Variants in DGKH observed in about 807,000 individuals in gnomAD.
DGKH encodes diacylglycerol kinase eta, also known as DAG kinase eta.
DGKH carries 90 observed loss-of-function variants against 159.3 expected under a neutral mutation model. The ratio of observed to expected loss-of-function variants is 0.57; its 90% CI spans 0.48 to 0.67. DGKH has a LOEUF of 0.67. Among genes scored for constraint, DGKH ranks in the 30% least tolerant of loss-of-function variants. The pLI, the probability that DGKH is intolerant of heterozygous loss-of-function variation, is 0.00. For synonymous variants in DGKH, 536 were observed against 553.8 expected (o/e 0.97, Z 0.45); for missense variants, 1,181 against 1,506.1 (o/e 0.78, Z 3.57).
chr13:42,211,199 A>G (rs1957649814), intron 24 of DGKH, among the ~76,000 whole-genome samples: 1 of 152,186 alleles, frequency 6.6e-6, no homozygotes, highest in Non-Finnish European at 1.5e-5. Flanking sequence ...GACCAGGGAA[A>G]ACTTCAGAGG....
intron 28 of DGKH, among the ~76,000 whole-genome samples, chr13:42,220,242 T>G (rs558824534): frequency 6.6e-6 from 1 of 152,370 alleles, no homozygotes; most frequent in African/African-American, 2.4e-5. Flanking sequence ...CTCATTTAAC[T>G]TGCCGATTAC....
At chr13:42,252,895 C>A (rs1958630645) in intron 30 of DGKH, among the ~76,000 whole-genome samples, 1 of 151,966 alleles carries the variant, frequency 6.6e-6, no homozygotes, top group South Asian at 2.1e-4. Context: ...TTACAGGTGC[C>A]CACCACCATG....
At chr13:42,082,645 A>G (rs139660952) in intron 1 of DGKH, among the ~76,000 whole-genome samples, 1 of 152,182 alleles carries the variant, frequency 6.6e-6, no homozygotes, top group Non-Finnish European at 1.5e-5. Context: ...AGGTTGCTCC[A>G]AGTAGTCAGT....
At chr13:42,049,320 C>G (rs1334881143) in intron 1 of DGKH, among the ~76,000 whole-genome samples, 1 of 152,008 alleles carries the variant, frequency 6.6e-6, no homozygotes, top group Non-Finnish European at 1.5e-5. Flanking sequence ...ACCCGCGGCT[C>G]GGCGGGAGCG....
chr13:42,216,824 C>CCAAAAAAA (rs925567318), intron 26 of DGKH: 2 of 152,168 alleles, frequency 1.3e-5, no homozygotes, highest in Admixed American at 1.3e-4. Flanking sequence ...CTTTTTTTGG[C>CCAAAAAAA]ACTACTGTTT....
intron 24 of DGKH, among the ~76,000 whole-genome samples, chr13:42,211,265 A>C (rs1957651227): frequency 6.6e-6 from 1 of 152,308 alleles, no homozygotes; most frequent in South Asian, 2.1e-4. Flanking sequence ...TATCTACCGA[A>C]TGGGGCTAAT....
chr13:42,103,439 C>T (rs1954688889), intron 1 of DGKH, among the ~76,000 whole-genome samples: 1 of 152,152 alleles, frequency 6.6e-6, no homozygotes, highest in South Asian at 2.1e-4. Flanking sequence ...AAAAAACCCA[C>T]ATCATGTTGG....
chr13:42,121,653 T>G (rs556781212), intron 1 of DGKH, among the ~76,000 whole-genome samples: 3 of 152,228 alleles, frequency 2.0e-5, no homozygotes, highest in Non-Finnish European at 4.4e-5. Context: ...TGCAGCTATG[T>G]CAGGACTCAT....
rs149430772 is a variant in DGKH at position 42,219,714 on chromosome 13, A to T, written c.3362A>T (p.Asn1121Ile). 1 of 1,613,572 alleles carries T rather than the reference A, an allele frequency of 6.2e-7. No individual in the cohort carries two copies. Among genetic ancestry groups the T allele is most frequent in the Middle Eastern group, 1.7e-4 (1 of 6,060 alleles). Reference sequence around the variant, plus strand: ...CCTCCTATGGATTGCACCAAAAGGAACAACAGAAGCACCGTATTTCGAATA... The same window carrying T: ...CCTCCTATGGATTGCACCAAAAGGATCAACAGAAGCACCGTATTTCGAATA... ...EEPPMDCTKRNNRSTVFRIVP... is the reference protein window; with the variant it reads ...EEPPMDCTKRINRSTVFRIVP... The change falls in exon 28 of 30, where the codon AAC becomes ATC. Residue 1121 changes from asparagine to isoleucine, a missense_variant. Asn to Ile is a moderately radical substitution (Grantham distance 149, BLOSUM62 -3). Transcript: ENST00000337343.
chr13:42,219,932 G>C lies in DGKH; in HGVS notation c.3442+138G>C. On this transcript the variant is annotated intron_variant, in intron 28 of 29. Coordinates refer to ENST00000337343, the MANE Select transcript of DGKH (RefSeq NM_178009.5). ...GCAGTATGATGAACATACTGTCATT[G>C]AATTCTATGCTTTAAAATGGTTAAA... 2 of 674,784 alleles carry C rather than the reference G, an allele frequency of 3.0e-6. 1 individual carries two copies. The highest frequency in any genetic ancestry group is 4.6e-5 in the South Asian group (2 of 43,134). 41.8% of individuals were successfully genotyped at this position (674,784 alleles called of 1,614,324 possible).
intron 15 of DGKH, 56 bp from the exon 16 acceptor site, chr13:42,190,346 AT>A: frequency 6.4e-7 from 1 of 1,565,836 alleles, no homozygotes; most frequent in Non-Finnish European, 8.6e-7. Context: ...GCATATCTTA[AT>A]ATTAATGGGC....
chr13:42,203,556 C>T lies in DGKH; in HGVS notation c.2494-2483C>T, dbSNP rs1957395193. Among the ~76,000 whole-genome samples, 4 of 152,310 alleles carry T rather than the reference C, an allele frequency of 2.6e-5. No homozygotes were observed. The South Asian group carries it at 8.3e-4, about 32-fold the overall frequency. On this transcript the variant is annotated intron_variant, in intron 20 of 29. Coordinates refer to ENST00000337343, the MANE Select transcript of DGKH (RefSeq NM_178009.5). ...GAATTCAATCCAGCTCCACCATCTT[C>T]CCTCCATATCAGATTGTCTGGTGAA... is the stretch of plus-strand genomic sequence containing the variant.
chr13:42,151,928 C>G (rs1006602409), intron 3 of DGKH, among the ~76,000 whole-genome samples: 2 of 152,068 alleles, frequency 1.3e-5, no homozygotes, highest in African/African-American at 4.8e-5. Context: ...TACAAGCATT[C>G]CCTTTGCTCC....
At chr13:42,140,796 G>T (rs1955527425) in intron 3 of DGKH, 2 of 151,788 alleles carry the variant, frequency 1.3e-5, no homozygotes, top group Admixed American at 1.3e-4. Flanking sequence ...CCTTTTTGTG[G>T]TGCAGACTAA....
intron 1 of DGKH, among the ~76,000 whole-genome samples, chr13:42,085,273 G>A (rs1367883414): frequency 1.3e-5 from 2 of 151,762 alleles, no homozygotes; most frequent in East Asian, 3.8e-4. Context: ...CTGGTGAAAT[G>A]TAGGTGAGCA....
At chr13:42,169,993 G>T (rs1365311328) in intron 11 of DGKH, among the ~76,000 whole-genome samples, 1 of 152,164 alleles carries the variant, frequency 6.6e-6, no homozygotes, top group Non-Finnish European at 1.5e-5. Flanking sequence ...CAAACATCAA[G>T]TTGTACACCT....
chr13:42,141,973 G>T (rs1345389891), intron 3 of DGKH, among the ~76,000 whole-genome samples: 1 of 151,448 alleles, frequency 6.6e-6, no homozygotes, highest in Non-Finnish European at 1.5e-5. Context: ...CCTTGCCCAT[G>T]CCTATGTCCT....
chr13:42,169,121 G>A lies in DGKH; in HGVS notation c.1367+303G>A, dbSNP rs1459407575. 2.0e-5 allele frequency among the ~76,000 whole-genome samples: 3 copies of A among 152,164 alleles called. No homozygotes were observed. In the East Asian group the frequency reaches 5.8e-4, roughly 29 times the overall value. On this transcript the variant is annotated intron_variant, in intron 11 of 29. Transcript: ENST00000337343. Reference sequence around the variant, plus strand: ...CTATTTACTTTTAATTGCAGTTCAGGTCAGAAAACGAAAATAGTTCATTTT... The same window carrying A: ...CTATTTACTTTTAATTGCAGTTCAGATCAGAAAACGAAAATAGTTCATTTT...
chr13:42,060,094 T>TGG (rs1436378744), intron 1 of DGKH, among the ~76,000 whole-genome samples: 3 of 151,908 alleles, frequency 2.0e-5, no homozygotes, highest in Non-Finnish European at 4.4e-5. Context: ...TTAGTAGAGA[T>TGG]GGGGTTTCAC....
Sources: allele counts gnomAD v4.1 joint callset (sites outside exome capture counted in the v4.1 genomes callset), GRCh38; gene constraint gnomAD v4.1.1; transcripts MANE v1.5; gene names NCBI Gene and HGNC (gene_info 2026-07-23, HGNC 2026-07-21).